The following FHIT variants were observed in gnomAD, a reference collection of about 807,000 sequenced individuals.
The protein encoded by FHIT is fragile histidine triad diadenosine triphosphatase.
Under a neutral mutation model 17.9 loss-of-function variants are expected in FHIT, and 19 were observed. That is an observed-to-expected ratio of 1.06 (90% CI 0.74 to 1.56). The LOEUF is 1.56. FHIT is among the 40% of genes most tolerant of loss of function. The pLI, the probability that FHIT is intolerant of heterozygous loss-of-function variation, is 0.00. For synonymous variants in FHIT, 81 were observed against 69.7 expected, an observed-to-expected ratio of 1.16 and a Z score of -0.81; for missense variants, 248 against 189.2, an observed-to-expected ratio of 1.31 and a Z score of -1.82.
intron 5 of FHIT, among the ~76,000 whole-genome samples, chr3:60,120,416 G>C (rs1705194965): frequency 6.6e-6 from 1 of 152,140 alleles, no homozygotes; most frequent in Non-Finnish European, 1.5e-5. Context: ...CCCATGCAGG[G>C]CACCTGCATA....
intron 4 of FHIT, among the ~76,000 whole-genome samples, chr3:60,587,203 G>T (rs1009917925): frequency 6.6e-6 from 1 of 151,990 alleles, no homozygotes; most frequent in Non-Finnish European, 1.5e-5. Flanking sequence ...CATTTGCAGG[G>T]ACGTGGATGA....
intron 5 of FHIT, among the ~76,000 whole-genome samples, chr3:60,216,952 A>G (rs1402196781): frequency 1.3e-5 from 2 of 152,182 alleles, no homozygotes; most frequent in Non-Finnish European, 2.9e-5. Flanking sequence ...TATGATGGAC[A>G]GATTCCATTT....
At chr3:59,986,426 A>G (rs73106568) in intron 7 of FHIT, among the ~76,000 whole-genome samples, 13,797 of 146,414 alleles carry the variant, frequency 0.094, 830 homozygotes, top group Admixed American at 0.13. Flanking sequence ...TCCCTTTGCT[A>G]TATCACCCAG....
intron 5 of FHIT, among the ~76,000 whole-genome samples, chr3:60,186,199 C>G (rs748216133): frequency 1.3e-5 from 2 of 151,756 alleles, no homozygotes; most frequent in Non-Finnish European, 2.9e-5. Context: ...GTGTATATAC[C>G]TACTAACACA....
chr3:61,003,856 C>T (rs1452929068), intron 3 of FHIT, among the ~76,000 whole-genome samples: 2 of 152,300 alleles, frequency 1.3e-5, no homozygotes, highest in Admixed American at 1.3e-4. Context: ...CTGGCATGTC[C>T]ATTTCTGTAA....
intron 5 of FHIT, among the ~76,000 whole-genome samples, chr3:60,296,555 C>G (rs559773332): frequency 5.4e-4 from 82 of 152,068 alleles, no homozygotes; most frequent in African/African-American, 1.9e-3. Context: ...TAGATAATAG[C>G]CCTGTTTTGG....
chr3:61,135,183 T>G (rs1444552888), intron 2 of FHIT, among the ~76,000 whole-genome samples: 3 of 152,126 alleles, frequency 2.0e-5, no homozygotes, highest in Non-Finnish European at 4.4e-5. Flanking sequence ...CCAGGCTAGT[T>G]AAGGAGAAAA....
intron 8 of FHIT, among the ~76,000 whole-genome samples, chr3:59,887,096 G>A (rs769810608): frequency 1.3e-5 from 2 of 152,086 alleles, no homozygotes; most frequent in Non-Finnish European, 2.9e-5. Flanking sequence ...GTAACAACAT[G>A]GAAAGAAAAG....
intron 5 of FHIT, among the ~76,000 whole-genome samples, chr3:60,331,543 C>A (rs771646287): frequency 1.3e-5 from 2 of 152,158 alleles, no homozygotes; most frequent in Non-Finnish European, 2.9e-5. Flanking sequence ...CACTCCAATT[C>A]TTTAACATAG....
At chr3:59,971,798 T>A (rs1708197014) in intron 7 of FHIT, among the ~76,000 whole-genome samples, 1 of 152,144 alleles carries the variant, frequency 6.6e-6, no homozygotes, top group Non-Finnish European at 1.5e-5. Context: ...TTCTCGTCTA[T>A]ACTGTGGGCA....
intron 5 of FHIT, among the ~76,000 whole-genome samples, chr3:60,522,631 T>C (rs1191586214): frequency 6.6e-6 from 1 of 152,134 alleles, no homozygotes; most frequent in Non-Finnish European, 1.5e-5. Context: ...GAACATATTT[T>C]TGAGAAACAG....
chr3:60,208,410 T>C (rs1576310977), intron 5 of FHIT, among the ~76,000 whole-genome samples: 1 of 152,238 alleles, frequency 6.6e-6, no homozygotes, highest in Non-Finnish European at 1.5e-5. Flanking sequence ...AAATTAGATA[T>C]TGACATTTAA....
At chr3:60,141,644 C>A (rs1700043441) in intron 5 of FHIT, among the ~76,000 whole-genome samples, 1 of 152,052 alleles carries the variant, frequency 6.6e-6, no homozygotes, top group African/African-American at 2.4e-5. Context: ...TGCCTAGAGC[C>A]AATGTTTTTA....
At chr3:60,586,180 T>C (rs1422031974) in intron 4 of FHIT, among the ~76,000 whole-genome samples, 1 of 151,854 alleles carries the variant, frequency 6.6e-6, no homozygotes, top group East Asian at 2.0e-4. Context: ...AAATGAGCAA[T>C]AGAAACTGCT....
At chr3:60,238,312 T>C (rs1704921755) in intron 5 of FHIT, among the ~76,000 whole-genome samples, 1 of 151,904 alleles carries the variant, frequency 6.6e-6, no homozygotes, top group Non-Finnish European at 1.5e-5. Flanking sequence ...GGTGAATGGC[T>C]ACTGTACTTA....
At chr3:60,881,037 C>T (rs547740144) in intron 3 of FHIT, among the ~76,000 whole-genome samples, 35 of 152,260 alleles carry the variant, frequency 2.3e-4, no homozygotes, top group Middle Eastern at 3.4e-3. Flanking sequence ...CAACTATATG[C>T]TTTCTATAAG....
intron 5 of FHIT, among the ~76,000 whole-genome samples, chr3:60,400,465 C>A (rs1327824733): frequency 6.6e-6 from 1 of 152,150 alleles, no homozygotes; most frequent in Non-Finnish European, 1.5e-5. Flanking sequence ...TATCTCTATA[C>A]CTCCAGGAAA....
At chr3:60,960,184 A>G (rs978506708) in intron 3 of FHIT, among the ~76,000 whole-genome samples, 5 of 152,248 alleles carry the variant, frequency 3.3e-5, no homozygotes, top group Middle Eastern at 3.4e-3. Context: ...TTCCCACCCT[A>G]TCTAACACTT....
At chr3:60,360,552 C>A (rs1022151484) in intron 5 of FHIT, among the ~76,000 whole-genome samples, 1 of 152,110 alleles carries the variant, frequency 6.6e-6, no homozygotes, top group African/African-American at 2.4e-5. Flanking sequence ...CATATAACTT[C>A]ACTGAGATTC....
Sources: gnomAD v4.1 joint callset for allele counts (sites outside exome capture counted in the v4.1 genomes callset) on GRCh38, gnomAD v4.1.1 for gene constraint, MANE v1.5 for transcripts, NCBI Gene and HGNC (gene_info 2026-07-23, HGNC 2026-07-21) for gene names.